KCNH1: variants seen among roughly 807,000 people sequenced by gnomAD.
KCNH1 encodes potassium voltage-gated channel subfamily H member 1.
KCNH1 carries 27 observed loss-of-function variants against 69.2 expected under a neutral mutation model. That is an observed-to-expected ratio of 0.39 (90% CI 0.29 to 0.54). The LOEUF (loss-of-function observed/expected upper bound fraction) is 0.54, where lower values mean the gene tolerates loss of function less well. KCNH1 is among the 20% of genes least tolerant of loss of function. The pLI, the probability that KCNH1 is intolerant of heterozygous loss-of-function variation, is 0.68. For synonymous variants in KCNH1, 456 were observed against 487.7 expected (o/e 0.93, Z 0.86); for missense variants, 798 against 1,261.6 (o/e 0.63, Z 5.57).
chr1:211,002,312 ACG>A (rs1689200689), intron 6 of KCNH1, among the ~76,000 whole-genome samples: 2 of 141,242 alleles, frequency 1.4e-5, no homozygotes, highest in African/African-American at 5.4e-5. Context: ...ATACATGTAT[ACG>A]TGTATATATA....
chr1:211,012,879 C>A (rs552123386), intron 6 of KCNH1, among the ~76,000 whole-genome samples: 16 of 151,978 alleles, frequency 1.1e-4, no homozygotes, highest in South Asian at 2.1e-4. Flanking sequence ...AAACTGTGTG[C>A]GAGGAGGGGA....
Position 211,103,552 on chromosome 1 carries a change from T to A in KCNH1, c.254A>T (p.Gln85Leu). Residue 85 changes from glutamine to leucine, a missense_variant, in exon 3 of 11, where the codon CAA (glutamine) becomes CTA (leucine). By Grantham distance (113) the Gln-to-Leu change is moderately radical (BLOSUM62 -2). Coordinates refer to ENST00000271751, the MANE Select transcript of KCNH1 (RefSeq NM_172362.3). Reference sequence around the variant, plus strand: ...ATTCATCTCATAGTTCTCAAATGTTTGCCGCACTTTTTCAATCGTGTCTTT... The same window carrying A: ...ATTCATCTCATAGTTCTCAAATGTTAGCCGCACTTTTTCAATCGTGTCTTT... ...TDKDTIEKVR[Q>L]TFENYEMNSF... The A allele has an allele frequency of 6.2e-7, 1 of 1,613,666 alleles. No individual in the cohort carries two copies. The highest frequency in any genetic ancestry group is 8.5e-7 in the Non-Finnish European group (1 of 1,179,812).
chr1:211,073,633 A>G (rs1558592882), intron 5 of KCNH1, among the ~76,000 whole-genome samples: 1 of 152,230 alleles, frequency 6.6e-6, no homozygotes, highest in Non-Finnish European at 1.5e-5. Context: ...GCCAAAGAAT[A>G]TATCTCAAGA....
At chr1:210,987,735 C>A (rs1409448328) in intron 6 of KCNH1, among the ~76,000 whole-genome samples, 1 of 152,224 alleles carries the variant, frequency 6.6e-6, no homozygotes, top group Non-Finnish European at 1.5e-5. Context: ...GGGTCAGTGA[C>A]CCGCTTGAGG....
At chr1:211,000,696 C>T (rs1359148072) in intron 6 of KCNH1, among the ~76,000 whole-genome samples, 1 of 152,168 alleles carries the variant, frequency 6.6e-6, no homozygotes, top group Non-Finnish European at 1.5e-5. Flanking sequence ...AAAGAGCCTA[C>T]ATTGCCAAGT....
intron 5 of KCNH1, among the ~76,000 whole-genome samples, chr1:211,030,948 C>T (rs73073478): frequency 0.049 from 7,452 of 151,702 alleles, 579 homozygotes; most frequent in African/African-American, 0.17. Context: ...AGACATTTAC[C>T]CAAAAGGAGA....
intron 5 of KCNH1, among the ~76,000 whole-genome samples, chr1:211,052,479 T>C (rs1186796720): frequency 2.0e-5 from 3 of 152,194 alleles, no homozygotes; most frequent in Non-Finnish European, 4.4e-5. Context: ...GAAGCTCCTG[T>C]TGCCAAAGTG....
chr1:210,819,394 G>A (rs957857358), intron 7 of KCNH1, among the ~76,000 whole-genome samples: 11 of 152,058 alleles, frequency 7.2e-5, no homozygotes, highest in African/African-American at 2.7e-4. Flanking sequence ...AAGAGAGATG[G>A]CTTAGGAAGA....
At chr1:210,855,715 G>C (rs980156479) in intron 7 of KCNH1, among the ~76,000 whole-genome samples, 6 of 152,132 alleles carry the variant, frequency 3.9e-5, no homozygotes, top group Admixed American at 1.3e-4. Flanking sequence ...CCTTTCTATA[G>C]CAGAGTGTCA....
chr1:210,736,842 T>G (rs1385169150), intron 10 of KCNH1, among the ~76,000 whole-genome samples: 1 of 152,106 alleles, frequency 6.6e-6, no homozygotes, highest in Non-Finnish European at 1.5e-5. Context: ...CTTACACCTC[T>G]TTTTTGGGTT....
intron 7 of KCNH1, among the ~76,000 whole-genome samples, chr1:210,839,108 G>A (rs183932071): frequency 1.2e-4 from 18 of 152,212 alleles, no homozygotes; most frequent in South Asian, 8.3e-4. Context: ...TCACATGCAC[G>A]CATATGTTCA....
intron 5 of KCNH1, among the ~76,000 whole-genome samples, chr1:211,037,470 A>AGTCCAGTT (rs775039926): frequency 1.3e-5 from 2 of 151,014 alleles, no homozygotes; most frequent in African/African-American, 2.4e-5. Context: ...TGTACGCTCA[A>AGTCCAGTT]GTCCAGTTTC....
chr1:210,951,644 A>G (rs555176251), intron 6 of KCNH1, among the ~76,000 whole-genome samples: 8 of 152,354 alleles, frequency 5.3e-5, no homozygotes, highest in African/African-American at 1.9e-4. Flanking sequence ...GTAATAGGAT[A>G]AAATCCAGTA....
intron 6 of KCNH1, among the ~76,000 whole-genome samples, chr1:210,953,289 A>T (rs1292821253): frequency 6.6e-6 from 1 of 152,216 alleles, no homozygotes; most frequent in Non-Finnish European, 1.5e-5. Flanking sequence ...ATACAAATTC[A>T]CACTTGGCCT....
intron 6 of KCNH1, among the ~76,000 whole-genome samples, chr1:210,972,204 G>A (rs1688523064): frequency 6.6e-6 from 1 of 151,908 alleles, no homozygotes; most frequent in Non-Finnish European, 1.5e-5. Context: ...TGCTTTATGA[G>A]TTACAAAGCA....
At chr1:210,847,712 C>T (rs1389656092) in intron 7 of KCNH1, among the ~76,000 whole-genome samples, 1 of 149,356 alleles carries the variant, frequency 6.7e-6, no homozygotes, top group Non-Finnish European at 1.5e-5. Context: ...CACATGTACC[C>T]TAAAACTTAA....
At chr1:211,107,508 G>A in intron 1 of KCNH1, 131 bp from the exon 2 acceptor site, 1 of 896,860 alleles carries the variant, frequency 1.1e-6, no homozygotes, top group East Asian at 2.5e-5. Flanking sequence ...CTCTTGAACA[G>A]AAATGTCGCC....
intron 6 of KCNH1, among the ~76,000 whole-genome samples, chr1:211,011,628 C>T (rs1689396109): frequency 6.6e-6 from 1 of 152,092 alleles, no homozygotes; most frequent in African/African-American, 2.4e-5. Context: ...TTTTTTTTAA[C>T]TCTAGAATCA....
Position 211,043,350 on chromosome 1 carries a change from C to G in KCNH1, c.559-24094G>C, listed in dbSNP as rs137932361. On this transcript the variant is annotated intron_variant, in intron 5 of 10. Transcript: ENST00000271751. ...ACCTTTACACACATAAACTAGAAAA[C>G]ATAGAGGAGATGGATGAATTCCTGG... Among the ~76,000 whole-genome samples the G allele has an allele frequency of 1.3e-4, 20 of 152,168 alleles. No homozygotes were observed. The East Asian group carries it at 3.7e-3, about 28-fold the overall frequency.
Sources: gnomAD v4.1 joint callset for allele counts (sites outside exome capture counted in the v4.1 genomes callset) on GRCh38, gnomAD v4.1.1 for gene constraint, MANE v1.5 for transcripts, NCBI Gene and HGNC (gene_info 2026-07-23, HGNC 2026-07-21) for gene names.